Variants in QTMAN observed in about 807,000 individuals in gnomAD.
QTMAN encodes tRNA-queuosine alpha-mannosyltransferase.
chr2:144,274,596 C>T, the QTMAN span, among the ~76,000 whole-genome samples: 289 of 152,336 alleles, frequency 1.9e-3, 1 homozygote, highest in African/African-American at 6.5e-3. Context: ...GTTCGAGGAG[C>T]TTCCAGGTTG....
the QTMAN span, among the ~76,000 whole-genome samples, chr2:144,301,455 T>C: frequency 2.0e-5 from 3 of 152,192 alleles, no homozygotes; most frequent in Non-Finnish European, 2.9e-5. Flanking sequence ...ACTCCTGACC[T>C]CAGGTGATTC....
At chr2:144,303,964 A>G in the QTMAN span, among the ~76,000 whole-genome samples, 3 of 152,364 alleles carry the variant, frequency 2.0e-5, no homozygotes, top group Admixed American at 1.3e-4. Flanking sequence ...GCTTAAGTTT[A>G]TAAGTGTACA....
chr2:144,172,781 T>C, the QTMAN span, among the ~76,000 whole-genome samples: 1 of 152,104 alleles, frequency 6.6e-6, no homozygotes, highest in Non-Finnish European at 1.5e-5. Context: ...CACCACCTAC[T>C]AGTAGAGATG....
the QTMAN span, among the ~76,000 whole-genome samples, chr2:144,272,078 C>T: frequency 6.6e-6 from 1 of 152,056 alleles, no homozygotes; most frequent in African/African-American, 2.4e-5. Context: ...TGATATTGTT[C>T]TCTGTGTAGC....
the QTMAN span, among the ~76,000 whole-genome samples, chr2:144,268,715 T>C: frequency 3.3e-5 from 5 of 152,202 alleles, no homozygotes; most frequent in Non-Finnish European, 7.3e-5. Flanking sequence ...ATAAATTACA[T>C]ATTACTAAAA....
At chr2:144,181,762 G>C in the QTMAN span, among the ~76,000 whole-genome samples, 1 of 152,224 alleles carries the variant, frequency 6.6e-6, no homozygotes, top group Admixed American at 6.5e-5. Context: ...AGTGAGCTTA[G>C]ATCATGCCAC....
the QTMAN span, among the ~76,000 whole-genome samples, chr2:144,117,994 C>T: frequency 2.0e-5 from 3 of 151,964 alleles, no homozygotes; most frequent in South Asian, 2.1e-4. Context: ...TACAGGTGCC[C>T]GCCACCACGC....
chr2:144,205,782 A>C, the QTMAN span, among the ~76,000 whole-genome samples: 1 of 152,246 alleles, frequency 6.6e-6, no homozygotes, highest in Non-Finnish European at 1.5e-5. Flanking sequence ...AGTCTAAGAA[A>C]GTAGAAATGC....
chr2:144,101,275 C>T, the QTMAN span, among the ~76,000 whole-genome samples: 1 of 152,206 alleles, frequency 6.6e-6, no homozygotes, highest in African/African-American at 2.4e-5. Context: ...TGAAATGTGA[C>T]ATCTCCCCCA....
chr2:144,133,448 TA>T, the QTMAN span, among the ~76,000 whole-genome samples: 3 of 60,288 alleles, frequency 5.0e-5, no homozygotes, highest in African/African-American at 2.0e-4. Context: ...ATATAATATA[TA>T]ATATATAATA....
At chr2:144,281,800 C>G in the QTMAN span, among the ~76,000 whole-genome samples, 119 of 152,310 alleles carry the variant, frequency 7.8e-4, no homozygotes, top group African/African-American at 2.7e-3. Context: ...AGAAAGCAAA[C>G]CTGCCAACAC....
chr2:144,323,235 C>T, the QTMAN span, among the ~76,000 whole-genome samples: 1 of 152,188 alleles, frequency 6.6e-6, no homozygotes, highest in African/African-American at 2.4e-5. Flanking sequence ...TTCCTCTAGA[C>T]AGGCAATGTA....
chr2:144,283,227 T>A, the QTMAN span, among the ~76,000 whole-genome samples: 1 of 152,124 alleles, frequency 6.6e-6, no homozygotes, highest in Non-Finnish European at 1.5e-5. Context: ...GTGTCTGAAG[T>A]GGGGGACAAT....
chr2:144,320,150 A>C, the QTMAN span, among the ~76,000 whole-genome samples: 1 of 152,246 alleles, frequency 6.6e-6, no homozygotes, highest in African/African-American at 2.4e-5. Context: ...TTCCATAAAT[A>C]AGGCTTTATT....
chr2:144,116,314 G>C, the QTMAN span, among the ~76,000 whole-genome samples: 1 of 130,288 alleles, frequency 7.7e-6, no homozygotes, highest in East Asian at 2.7e-4. Context: ...GGGGTGGGGG[G>C]GAGTAGATTT....
At chr2:144,066,914 T>A in the QTMAN span, among the ~76,000 whole-genome samples, 34 of 152,360 alleles carry the variant, frequency 2.2e-4, no homozygotes, top group East Asian at 6.4e-3. Flanking sequence ...GTCTTCTCTA[T>A]CCTTCAAGTT....
At chr2:144,090,698 G>A in the QTMAN span, among the ~76,000 whole-genome samples, 3 of 151,938 alleles carry the variant, frequency 2.0e-5, no homozygotes, top group East Asian at 5.8e-4. Flanking sequence ...ATATATTGAT[G>A]TATATGTTAA....
the QTMAN span, among the ~76,000 whole-genome samples, chr2:144,262,940 G>C: frequency 1.1e-5 from 1 of 92,518 alleles, no homozygotes; most frequent in Non-Finnish European, 2.2e-5. Context: ...GAGGGAAGAG[G>C]GGAGGGGATA....
chr2:144,044,300 C>G, the QTMAN span, among the ~76,000 whole-genome samples: 1 of 152,080 alleles, frequency 6.6e-6, no homozygotes, highest in African/African-American at 2.4e-5. Flanking sequence ...AGCATGCAAG[C>G]ATACTTTTGT....
Sources: gnomAD v4.1 joint callset for allele counts (sites outside exome capture counted in the v4.1 genomes callset) on GRCh38, gnomAD v4.1.1 for gene constraint, MANE v1.5 for transcripts, NCBI Gene and HGNC (gene_info 2026-07-23, HGNC 2026-07-21) for gene names.